Variants in QKI observed in about 807,000 individuals in gnomAD.
The protein encoded by QKI is QKI, KH domain containing RNA binding.
QKI carries 10 observed loss-of-function variants against 39.0 expected under a neutral mutation model. The ratio of observed to expected loss-of-function variants is 0.26; its 90% CI spans 0.16 to 0.43. QKI has a LOEUF of 0.43. Ranked by LOEUF, QKI falls within the 20% of genes least tolerant of loss-of-function variation. QKI has a pLI of 1.00. For synonymous variants in QKI, 204 were observed against 155.4 expected (o/e 1.31, Z -2.33); for missense variants, 218 against 428.0 (o/e 0.51, Z 4.33).
chr6:163,564,785 C>T, intron 6 of QKI: 1 of 1,608,314 alleles, frequency 6.2e-7, no homozygotes, highest in Non-Finnish European at 8.5e-7. Context: ...TGTTTCTGTG[C>T]AACCCCTTTG....
rs369658575 is a variant in QKI at position 163,415,342 on chromosome 6, G to C, written c.142+7G>C. ...GAGCGGCTGCTGGACGAAGGTGAGC[G>C]TCTCCAGGGCCCCGGCCCCGGCCCG... On this transcript the variant is annotated splice_region_variant and intron_variant, in intron 1 of 7. Transcript: ENST00000361752. 15 of 1,579,072 alleles carry C rather than the reference G, an allele frequency of 9.5e-6. No homozygotes were observed. In the African/African-American group the frequency reaches 1.4e-4, roughly 14 times the overall value.
intron 3 of QKI, among the ~76,000 whole-genome samples, chr6:163,531,649 ACTT>A (rs1395914782): frequency 7.2e-5 from 11 of 152,100 alleles, no homozygotes. Context: ...CCATTTTCTT[ACTT>A]CTTACGAGTT....
chr6:163,567,217 G>C (rs891314331), intron 7 of QKI: 1 of 989,014 alleles, frequency 1.0e-6, no homozygotes, highest in South Asian at 4.6e-5. Context: ...TATGCCTCCT[G>C]TGTACTTTTG....
chr6:163,473,742 AT>A (rs1486923226), intron 2 of QKI, among the ~76,000 whole-genome samples: 23 of 152,300 alleles, frequency 1.5e-4, no homozygotes, highest in Non-Finnish European at 1.8e-4. Context: ...TCACCAGTGA[AT>A]TTTATTCATT....
intron 1 of QKI, among the ~76,000 whole-genome samples, chr6:163,424,199 G>A (rs1352213406): frequency 6.6e-6 from 1 of 151,206 alleles, no homozygotes; most frequent in Non-Finnish European, 1.5e-5. Context: ...ATTTTTTTAA[G>A]AAAAAAAAAT....
intron 2 of QKI, among the ~76,000 whole-genome samples, chr6:163,477,739 T>C (rs745379013): frequency 7.9e-5 from 12 of 152,204 alleles, no homozygotes; most frequent in Non-Finnish European, 1.5e-4. Context: ...CCACCTTTCA[T>C]TTGAGAATCA....
intron 4 of QKI, among the ~76,000 whole-genome samples, chr6:163,538,875 T>C (rs931376563): frequency 6.6e-6 from 1 of 152,206 alleles, no homozygotes; most frequent in Non-Finnish European, 1.5e-5. Flanking sequence ...ATTGGAGTTG[T>C]CATTTATTTA....
intron 1 of QKI, among the ~76,000 whole-genome samples, chr6:163,452,977 C>G (rs1790682149): frequency 6.6e-6 from 1 of 152,202 alleles, no homozygotes; most frequent in African/African-American, 2.4e-5. Context: ...GTCTGCCTGC[C>G]TTGGCCTCCC....
intron 3 of QKI, among the ~76,000 whole-genome samples, chr6:163,529,261 A>G (rs1185476104): frequency 6.6e-6 from 1 of 152,228 alleles, no homozygotes; most frequent in East Asian, 1.9e-4. Flanking sequence ...CAGGCACAGT[A>G]ATCATTAGTA....
At chr6:163,510,552 C>T (rs1015413376) in intron 3 of QKI, among the ~76,000 whole-genome samples, 4 of 151,936 alleles carry the variant, frequency 2.6e-5, no homozygotes, top group African/African-American at 2.4e-5. Flanking sequence ...CAGAGCCAGA[C>T]TTATCTCAAA....
intron 6 of QKI, chr6:163,565,069 C>G: frequency 9.4e-7 from 1 of 1,063,618 alleles, no homozygotes; most frequent in Non-Finnish European, 1.1e-6. Flanking sequence ...TGAACAAATA[C>G]ATTTCATTGT....
chr6:163,569,829 C>T, intron 7 of QKI: 1 of 986,520 alleles, frequency 1.0e-6, no homozygotes, highest in East Asian at 1.1e-4. Context: ...TTTAAAATGC[C>T]TTATTGGTAT....
chr6:163,566,251 A>G, intron 6 of QKI: 5 of 1,253,542 alleles, frequency 4.0e-6, no homozygotes, highest in Non-Finnish European at 5.0e-6. Context: ...GTTCATACTT[A>G]TTGACTCAGA....
At chr6:163,497,080 GT>G (rs1238694352) in intron 3 of QKI, among the ~76,000 whole-genome samples, 1 of 152,104 alleles carries the variant, frequency 6.6e-6, no homozygotes, top group Non-Finnish European at 1.5e-5. Context: ...GGAAGGAGTA[GT>G]TTGTCTTTTA....
chr6:163,492,614 T>C (rs1179177973), intron 3 of QKI, among the ~76,000 whole-genome samples: 1 of 152,164 alleles, frequency 6.6e-6, no homozygotes, highest in Non-Finnish European at 1.5e-5. Flanking sequence ...TATAAGGTAG[T>C]CTAAATATAG....
chr6:163,524,887 A>G (rs1780390285), intron 3 of QKI, among the ~76,000 whole-genome samples: 1 of 152,200 alleles, frequency 6.6e-6, no homozygotes, highest in African/African-American at 2.4e-5. Context: ...TGCTATCCGA[A>G]CACTAACATT....
intron 1 of QKI, among the ~76,000 whole-genome samples, chr6:163,435,856 GT>G (rs1789230200): frequency 6.6e-6 from 1 of 152,002 alleles, no homozygotes; most frequent in Non-Finnish European, 1.5e-5. Flanking sequence ...ATTTTCTATT[GT>G]ATTTAAGCCA....
chr6:163,441,902 G>A (rs995935751), intron 1 of QKI, among the ~76,000 whole-genome samples: 1 of 152,202 alleles, frequency 6.6e-6, no homozygotes, highest in Non-Finnish European at 1.5e-5. Context: ...GAGCCTGTGT[G>A]GATGCTGTAG....
chr6:163,465,595 C>G (rs1386280749), intron 2 of QKI, among the ~76,000 whole-genome samples: 1 of 148,244 alleles, frequency 6.7e-6, no homozygotes, highest in Non-Finnish European at 1.5e-5. Flanking sequence ...CACCATTGCA[C>G]TCCAGCCTGG....
Sources: allele counts gnomAD v4.1 joint callset (sites outside exome capture counted in the v4.1 genomes callset), GRCh38; gene constraint gnomAD v4.1.1; transcripts MANE v1.5; gene names NCBI Gene and HGNC (gene_info 2026-07-23, HGNC 2026-07-21).